The following SH3RF2 variants were observed in gnomAD, a reference collection of about 807,000 sequenced individuals.
The protein encoded by SH3RF2 is SH3 domain containing ring finger 2.
In SH3RF2, 43 loss-of-function variants were observed where a neutral mutation model predicts 59.0. The ratio of observed to expected loss-of-function variants is 0.73; its 90% confidence interval spans 0.57 to 0.94. The LOEUF is 0.94. SH3RF2 is among the 40% of genes least tolerant of loss of function. The pLI is 0.00. For missense variants in SH3RF2, 930 were observed against 940.1 expected (o/e 0.99, Z 0.14); for synonymous variants, 391 against 391.5 (o/e 1.00, Z 0.01).
At chr5:146,074,771 G>GCC (rs1251441720) in intron 9 of SH3RF2, among the ~76,000 whole-genome samples, 2 of 140,886 alleles carry the variant, frequency 1.4e-5, no homozygotes, top group South Asian at 4.5e-4. Context: ...TCAGCCCTCT[G>GCC]CCCTCTCTCT....
intron 4 of SH3RF2, among the ~76,000 whole-genome samples, chr5:146,010,802 G>A (rs566578690): frequency 6.6e-6 from 1 of 152,128 alleles, no homozygotes; most frequent in East Asian, 1.9e-4. Context: ...TGAGTAGATT[G>A]CAAAAATTTT....
At chr5:146,016,705 T>C (rs1282806750) in intron 5 of SH3RF2, among the ~76,000 whole-genome samples, 2 of 152,180 alleles carry the variant, frequency 1.3e-5, no homozygotes, top group Admixed American at 1.3e-4. Flanking sequence ...AAGACCACAC[T>C]AGGCAACATT....
rs542444390 is a variant in SH3RF2 at position 146,076,762 on chromosome 5, G to A, written c.*34-1698G>A. On this transcript the variant is annotated intron_variant, in intron 9 of 9. Coordinates refer to the SH3RF2 transcript ENST00000511217. ...GATGTGGTTGTCTGCTTGAAAATTG[G>A]GGCTCCTCTGGTACATTCAGTCTCT... 3.9e-5 allele frequency among the ~76,000 whole-genome samples: 6 copies of A among 152,190 alleles called. No individual in the cohort carries two copies. In the South Asian group the frequency reaches 1.2e-3, roughly 32 times the overall value.
chr5:146,078,640 G>A (rs1763377182), exon 10 of SH3RF2: 1 of 152,232 alleles, frequency 6.6e-6, no homozygotes, highest in Non-Finnish European at 1.5e-5. Context: ...AGAGTAATAG[G>A]AGGAAGAGCA....
downstream of SH3RF2, among the ~76,000 whole-genome samples, chr5:146,065,060 C>A (rs1325798415): frequency 6.6e-6 from 1 of 152,144 alleles, no homozygotes; most frequent in Non-Finnish European, 1.5e-5. Context: ...CATACTCCTC[C>A]CATAAAATAC....
intron 2 of SH3RF2, chr5:145,997,337 T>C (rs1760206290): frequency 2.6e-6 from 3 of 1,146,138 alleles, no homozygotes; most frequent in Admixed American, 3.4e-5. Context: ...CCGTATATAC[T>C]GCACCACCGC....
At chr5:145,942,197 A>G (rs1261202102) in intron 2 of SH3RF2, among the ~76,000 whole-genome samples, 1 of 152,260 alleles carries the variant, frequency 6.6e-6, no homozygotes, top group Non-Finnish European at 1.5e-5. Flanking sequence ...ACACAGGGCA[A>G]GAACCTGGTC....
chr5:146,052,445 C>T (rs1409352319), intron 7 of SH3RF2, among the ~76,000 whole-genome samples: 2 of 152,118 alleles, frequency 1.3e-5, no homozygotes, highest in Admixed American at 6.5e-5. Context: ...CAATAGATTG[C>T]CATTGAGTTC....
At chr5:145,948,300 T>C (rs1354369109) in intron 2 of SH3RF2, among the ~76,000 whole-genome samples, 1 of 152,166 alleles carries the variant, frequency 6.6e-6, no homozygotes, top group East Asian at 1.9e-4. Flanking sequence ...GATTTTGAGG[T>C]TGTACTTTTT....
chr5:146,064,788 G>GA (rs201977965), downstream of SH3RF2, among the ~76,000 whole-genome samples: 1,885 of 18,184 alleles, frequency 0.1, 168 homozygotes, highest in East Asian at 0.23. Flanking sequence ...AGGAAGGAAG[G>GA]AAGGAAGGAA....
At chr5:146,061,012 C>T (rs981400963) in intron 9 of SH3RF2, among the ~76,000 whole-genome samples, 1 of 152,146 alleles carries the variant, frequency 6.6e-6, no homozygotes, top group African/African-American at 2.4e-5. Flanking sequence ...CCATCACCAC[C>T]TCCATCACCA....
At chr5:146,020,232 T>G (rs1357627069) in intron 5 of SH3RF2, among the ~76,000 whole-genome samples, 1 of 152,166 alleles carries the variant, frequency 6.6e-6, no homozygotes, top group African/African-American at 2.4e-5. Flanking sequence ...TAGTATGATA[T>G]TCTAGACTCT....
At chr5:145,997,862 C>T in intron 2 of SH3RF2, 1 of 1,080,592 alleles carries the variant, frequency 9.3e-7, no homozygotes, top group Non-Finnish European at 1.4e-6. Flanking sequence ...TCTTGAAATG[C>T]TCAGTGCCCT....
chr5:145,987,106 G>A (rs1169403194), intron 2 of SH3RF2, among the ~76,000 whole-genome samples: 3 of 152,186 alleles, frequency 2.0e-5, no homozygotes, highest in Non-Finnish European at 4.4e-5. Flanking sequence ...AAGAAGAGAG[G>A]CCAAAGCAAA....
At chr5:145,999,781 C>A (rs1760322977) in intron 2 of SH3RF2, among the ~76,000 whole-genome samples, 1 of 151,646 alleles carries the variant, frequency 6.6e-6, no homozygotes, top group Admixed American at 6.6e-5. Context: ...GATTACAGAT[C>A]ACCATAGCAG....
In SH3RF2 at chr5:146,012,771, C is replaced by G. The variant is rs55736528; in HGVS notation, c.745-976C>G. 5.4e-3 allele frequency among the ~76,000 whole-genome samples: 816 copies of G among 152,182 alleles called. 7 individuals carry two copies. The highest frequency in any genetic ancestry group is 0.012 in the South Asian group (57 of 4,822). On this transcript the variant is annotated intron_variant, in intron 4 of 9. Coordinates refer to ENST00000359120, the MANE Select transcript of SH3RF2 (RefSeq NM_152550.4). ...AGGGGCTGTCAGTGAGTAGGGTACT[C>G]AAAATATTATGACATATTGCTTGTG...
chr5:145,988,841 G>A (rs1044003027), intron 2 of SH3RF2, among the ~76,000 whole-genome samples: 4 of 152,138 alleles, frequency 2.6e-5, no homozygotes, highest in Admixed American at 1.3e-4. Context: ...GGTTTGCATA[G>A]TGTCTCCCTC....
chr5:146,051,071 C>T (rs1762479153), intron 7 of SH3RF2, among the ~76,000 whole-genome samples: 2 of 152,138 alleles, frequency 1.3e-5, no homozygotes, highest in Non-Finnish European at 2.9e-5. Context: ...CTCATCTCTA[C>T]TAAAAATACA....
chr5:146,062,598 A>G lies in SH3RF2; in HGVS notation c.2087A>G (p.His696Arg), dbSNP rs1412688704. ...TVLFAHRSGC[H>R]SGQQTDLRRK... ...CTATTTGCCCACCGAAGTGGCTGCC[A>G]CTCCGGACAGCAGACAGACCTCCGG... Residue 696 changes from histidine to arginine, a missense_variant, in exon 10 of 10, where the codon CAC (histidine) becomes CGC (arginine). Physicochemically the swap from His to Arg is conservative, Grantham distance 29. Transcript: ENST00000359120. 3 of 1,613,938 alleles carry G rather than the reference A, an allele frequency of 1.9e-6. No individual in the cohort carries two copies. Among genetic ancestry groups the G allele is most frequent in the Non-Finnish European group, 2.5e-6 (3 of 1,180,000 alleles).
Sources: allele counts gnomAD v4.1 joint callset (sites outside exome capture counted in the v4.1 genomes callset), GRCh38; gene constraint gnomAD v4.1.1; transcripts MANE v1.5; gene names NCBI Gene and HGNC (gene_info 2026-07-23, HGNC 2026-07-21).